CSMD1: variants seen among roughly 807,000 people sequenced by gnomAD.
CSMD1 encodes the protein CUB and Sushi multiple domains 1.
A neutral mutation model predicts 417.5 loss-of-function variants in CSMD1; 213 were observed. That is an observed-to-expected ratio of 0.51 (90% CI 0.46 to 0.57). The LOEUF (loss-of-function observed/expected upper bound fraction) is 0.57. Ranked by LOEUF, CSMD1 falls within the 20% of genes least tolerant of loss-of-function variation. The pLI is 0.00. For missense variants in CSMD1, 6,923 were observed against 4,529.7 expected, an observed-to-expected ratio of 1.53 and a Z score of -15.17; for synonymous variants, 2,862 against 1,736.8, an observed-to-expected ratio of 1.65 and a Z score of -16.11.
intron 1 of CSMD1, among the ~76,000 whole-genome samples, chr8:4,862,790 T>C (rs1177925518): frequency 6.6e-6 from 1 of 151,962 alleles, no homozygotes; most frequent in Non-Finnish European, 1.5e-5. Flanking sequence ...TGAAATCCGG[T>C]GACAGCCTAA....
intron 7 of CSMD1, among the ~76,000 whole-genome samples, chr8:3,690,567 A>C (rs1302363490): frequency 1.3e-5 from 2 of 152,204 alleles, no homozygotes; most frequent in Non-Finnish European, 2.9e-5. Flanking sequence ...AACCCTGGCA[A>C]GTGTTTTTAC....
chr8:4,198,673 G>T (rs117458293), intron 3 of CSMD1, among the ~76,000 whole-genome samples: 1,879 of 152,138 alleles, frequency 0.012, 17 homozygotes, highest in Middle Eastern at 0.024. Flanking sequence ...TCCAGATGGG[G>T]CTGGTAAAAC....
intron 69 of CSMD1, among the ~76,000 whole-genome samples, chr8:2,939,058 G>A (rs1801686985): frequency 1.3e-5 from 2 of 152,260 alleles, no homozygotes; most frequent in East Asian, 3.9e-4. Context: ...TTGACCTCTT[G>A]GGCTCAGGCG....
At chr8:4,689,351 A>G (rs975142923) in intron 1 of CSMD1, among the ~76,000 whole-genome samples, 4 of 152,186 alleles carry the variant, frequency 2.6e-5, no homozygotes, top group East Asian at 1.9e-4. Flanking sequence ...GCTCATTTCC[A>G]GAATGATTTT....
chr8:3,935,254 C>G (rs1460734658), intron 5 of CSMD1, among the ~76,000 whole-genome samples: 4 of 152,114 alleles, frequency 2.6e-5, no homozygotes, highest in Non-Finnish European at 4.4e-5. Flanking sequence ...AGAACAGAAT[C>G]ATTATATGAA....
In CSMD1 at chr8:3,568,425, AAAACT is replaced by A. The variant is rs1799809407; in HGVS notation, c.1344+6515_1344+6519del. Reference sequence around the variant, plus strand: ...AATAAAGCTGGAAACAAAGAAAAAGAAAACTAAACAAAGAACAAATCAGTAAGATG... The same window carrying A: ...AATAAAGCTGGAAACAAAGAAAAAGAAAACAAAGAACAAATCAGTAAGATG... On this transcript the variant is annotated intron_variant, in intron 10 of 69. Coordinates refer to ENST00000635120, the MANE Select transcript of CSMD1 (RefSeq NM_033225.6). Among the ~76,000 whole-genome samples the A allele has an allele frequency of 2.6e-5, 4 of 152,336 alleles. No individual in the cohort carries two copies. In the South Asian group the frequency reaches 8.3e-4, roughly 32 times the overall value.
intron 5 of CSMD1, among the ~76,000 whole-genome samples, chr8:3,755,304 G>C (rs183070979): frequency 1.3e-5 from 2 of 152,148 alleles, no homozygotes; most frequent in Non-Finnish European, 2.9e-5. Context: ...GTATAAACTG[G>C]ACACGAAAAT....
intron 3 of CSMD1, among the ~76,000 whole-genome samples, chr8:4,155,364 G>A (rs956797372): frequency 3.3e-5 from 5 of 152,158 alleles, no homozygotes; most frequent in Non-Finnish European, 7.3e-5. Context: ...CAGCCACGCT[G>A]CTTCTAATGC....
At chr8:3,484,318 G>A (rs1817904731) in intron 11 of CSMD1, among the ~76,000 whole-genome samples, 2 of 152,170 alleles carry the variant, frequency 1.3e-5, no homozygotes, top group Admixed American at 6.5e-5. Context: ...AGGCAGAAAA[G>A]CAGTTCAATG....
At chr8:4,280,530 G>A (rs924806011) in intron 3 of CSMD1, among the ~76,000 whole-genome samples, 4 of 152,152 alleles carry the variant, frequency 2.6e-5, no homozygotes, top group African/African-American at 9.7e-5. Flanking sequence ...ATTGTTTACA[G>A]TGCCCACATT....
At chr8:4,594,983 A>G (rs763892911) in intron 2 of CSMD1, among the ~76,000 whole-genome samples, 8 of 152,234 alleles carry the variant, frequency 5.3e-5, no homozygotes, top group Non-Finnish European at 8.8e-5. Flanking sequence ...CAAAGAAATG[A>G]GATAAAACTA....
At chr8:4,727,269 G>A (rs1327074857) in intron 1 of CSMD1, among the ~76,000 whole-genome samples, 1 of 152,148 alleles carries the variant, frequency 6.6e-6, no homozygotes, top group African/African-American at 2.4e-5. Flanking sequence ...ACCAGTTAAT[G>A]TCTACCGGTG....
chr8:4,809,826 G>C (rs1798793228), intron 1 of CSMD1, among the ~76,000 whole-genome samples: 2 of 152,016 alleles, frequency 1.3e-5, no homozygotes, highest in African/African-American at 4.8e-5. Flanking sequence ...TATCATTGTG[G>C]ACCACCTGCA....
chr8:4,314,058 A>G (rs1798781641), intron 3 of CSMD1, among the ~76,000 whole-genome samples: 1 of 151,560 alleles, frequency 6.6e-6, no homozygotes, highest in Non-Finnish European at 1.5e-5. Context: ...TAATAATTCC[A>G]GTTAAACTTG....
chr8:4,835,275 A>C (rs1478816386), intron 1 of CSMD1, among the ~76,000 whole-genome samples: 1 of 152,124 alleles, frequency 6.6e-6, no homozygotes, highest in Non-Finnish European at 1.5e-5. Flanking sequence ...AGAGGTTACA[A>C]TACAAACATC....
intron 2 of CSMD1, among the ~76,000 whole-genome samples, chr8:4,460,959 TAGATAG>T (rs1019306097): frequency 1.9e-4 from 29 of 152,274 alleles, no homozygotes; most frequent in African/African-American, 7.0e-4. Context: ...GACATAGTTA[TAGATAG>T]AAACTACAGA....
chr8:3,866,371 T>C (rs1483327119), intron 5 of CSMD1, among the ~76,000 whole-genome samples: 1 of 152,226 alleles, frequency 6.6e-6, no homozygotes, highest in Non-Finnish European at 1.5e-5. Context: ...AGAACATTCA[T>C]GTATTTCATT....
In CSMD1 at chr8:3,000,107, G is replaced by A. The variant is rs529988284; in HGVS notation, c.8054C>T (p.Pro2685Leu). 119 of 1,559,934 alleles carry A rather than the reference G, an allele frequency of 7.6e-5. 1 individual carries two copies. The East Asian group carries it at 1.8e-3, about 23-fold the overall frequency. ...TCCACTAATGTGACCGTTCACAATC[G>A]GGTCTGGGGAACCGCAGTGGCCAGC... ...CLAGHCGSPD[P>L]IVNGHISGDG... is the part of the protein sequence containing the mutation. Residue 2685 changes from proline to leucine, a missense_variant, in exon 53 of 70, where the codon CCG (proline) becomes CTG (leucine). Transcript: ENST00000635120.
intron 1 of CSMD1, among the ~76,000 whole-genome samples, chr8:4,875,350 G>A (rs992061204): frequency 1.3e-5 from 2 of 152,008 alleles, no homozygotes; most frequent in Non-Finnish European, 2.9e-5. Flanking sequence ...TGAATATTTT[G>A]GAACTGAAAA....
Sources: gnomAD v4.1 joint callset for allele counts (sites outside exome capture counted in the v4.1 genomes callset) on GRCh38, gnomAD v4.1.1 for gene constraint, MANE v1.5 for transcripts, NCBI Gene and HGNC (gene_info 2026-07-23, HGNC 2026-07-21) for gene names.